HS3ST3A1: variants seen among roughly 807,000 people sequenced by gnomAD.
The protein encoded by HS3ST3A1 is heparan sulfate glucosamine 3-O-sulfotransferase 3A1.
In HS3ST3A1, 19 loss-of-function variants were observed where a neutral mutation model predicts 25.7. That is an observed-to-expected ratio of 0.74 (90% CI 0.52 to 1.08). HS3ST3A1 has a LOEUF of 1.08. Among genes scored for constraint, HS3ST3A1 ranks in the 50% least tolerant of loss-of-function variants. The pLI is 0.00. For synonymous variants in HS3ST3A1, 226 were observed against 278.6 expected (o/e 0.81, Z 1.88); for missense variants, 459 against 594.3 (o/e 0.77, Z 2.37).
chr17:13,499,702 A>G (rs1360849545), intron 1 of HS3ST3A1, among the ~76,000 whole-genome samples: 1 of 152,176 alleles, frequency 6.6e-6, no homozygotes, highest in Non-Finnish European at 1.5e-5. Context: ...TAAAACCACT[A>G]AAACAAGGAA....
chr17:13,581,527 A>G (rs1421548378), intron 1 of HS3ST3A1, among the ~76,000 whole-genome samples: 1 of 152,146 alleles, frequency 6.6e-6, no homozygotes, highest in African/African-American at 2.4e-5. Flanking sequence ...AAGCTAATAA[A>G]ATAATATTTC....
At chr17:13,593,168 G>A (rs1226246515) in intron 1 of HS3ST3A1, among the ~76,000 whole-genome samples, 7 of 143,034 alleles carry the variant, frequency 4.9e-5, no homozygotes, top group African/African-American at 7.8e-5. Context: ...CACAGCTCTG[G>A]CCCTATCTAT....
chr17:13,563,549 G>T (rs1428844560), intron 1 of HS3ST3A1, among the ~76,000 whole-genome samples: 2 of 152,210 alleles, frequency 1.3e-5, no homozygotes, highest in African/African-American at 4.8e-5. Flanking sequence ...GTTGACCCCA[G>T]TGTGGGGGGC....
intron 1 of HS3ST3A1, among the ~76,000 whole-genome samples, chr17:13,526,330 G>A (rs745555773): frequency 2.0e-5 from 3 of 151,340 alleles, no homozygotes; most frequent in Non-Finnish European, 4.4e-5. Flanking sequence ...GTAGGTAGAC[G>A]GTGATTGTTC....
intron 1 of HS3ST3A1, among the ~76,000 whole-genome samples, chr17:13,595,565 T>C (rs1286855495): frequency 1.3e-5 from 2 of 152,290 alleles, no homozygotes; most frequent in South Asian, 2.1e-4. Context: ...GATTACATAT[T>C]AGAGGCACAT....
chr17:13,517,424 A>C lies in HS3ST3A1; in HGVS notation c.600-20606T>G, dbSNP rs541605675. On this transcript the variant is annotated intron_variant, in intron 1 of 1. Coordinates refer to ENST00000284110, the MANE Select transcript of HS3ST3A1 (RefSeq NM_006042.3). ...ACAAATGTATTTCAATGGGAAAATT[A>C]CTATAAGGGAATGTTTATGTTCACA... 9.8e-5 allele frequency among the ~76,000 whole-genome samples: 15 copies of C among 152,330 alleles called. No individual in the cohort carries two copies. The East Asian group carries it at 1.9e-3, about 20-fold the overall frequency.
intron 1 of HS3ST3A1, among the ~76,000 whole-genome samples, chr17:13,516,582 G>C (rs566698713): frequency 1.3e-5 from 2 of 152,308 alleles, no homozygotes; most frequent in South Asian, 4.1e-4. Flanking sequence ...TAACAGGCAA[G>C]TTGTACACGC....
chr17:13,593,826 C>T (rs559072874), intron 1 of HS3ST3A1, among the ~76,000 whole-genome samples: 1 of 152,282 alleles, frequency 6.6e-6, no homozygotes, highest in African/African-American at 2.4e-5. Context: ...AACAGTACAA[C>T]GATCAAAACC....
At chr17:13,562,111 C>T (rs536459205) in intron 1 of HS3ST3A1, among the ~76,000 whole-genome samples, 1 of 152,112 alleles carries the variant, frequency 6.6e-6, no homozygotes, top group African/African-American at 2.4e-5. Context: ...GAATAAATAA[C>T]GGATATACCT....
intron 1 of HS3ST3A1, among the ~76,000 whole-genome samples, chr17:13,518,534 A>G (rs1031555987): frequency 6.6e-6 from 1 of 152,100 alleles, no homozygotes; most frequent in African/African-American, 2.4e-5. Context: ...TATCCCTGCC[A>G]TTTGCCATGG....
intron 1 of HS3ST3A1, among the ~76,000 whole-genome samples, chr17:13,507,064 G>A (rs1185568082): frequency 8.1e-5 from 11 of 136,620 alleles, no homozygotes; most frequent in African/African-American, 1.2e-4. Context: ...GCTAGACTCC[G>A]TCTCCAAAAA....
In HS3ST3A1 at chr17:13,494,226, T is replaced by A. The variant is rs1905211366; in HGVS notation, c.*1971A>T. On this transcript the variant is annotated 3_prime_UTR_variant, in exon 2 of 2. Transcript: ENST00000284110. Reference sequence around the variant, plus strand: ...AAAATGAGTATCTTGTTGCAGCTAGTGATTCAAGTAGAATAAAAACAGTCT... The same window carrying A: ...AAAATGAGTATCTTGTTGCAGCTAGAGATTCAAGTAGAATAAAAACAGTCT... Among the ~76,000 whole-genome samples, 1 of 152,186 alleles carries A rather than the reference T, an allele frequency of 6.6e-6. No homozygotes were observed. The highest frequency in any genetic ancestry group is 1.5e-5 in the Non-Finnish European group (1 of 68,030).
intron 1 of HS3ST3A1, among the ~76,000 whole-genome samples, chr17:13,500,478 G>T (rs183347327): frequency 2.2e-4 from 33 of 152,340 alleles, no homozygotes; most frequent in African/African-American, 7.7e-4. Context: ...GGCTATGGGA[G>T]CACGAAGGTG....
At chr17:13,578,080 G>A (rs1320290247) in intron 1 of HS3ST3A1, among the ~76,000 whole-genome samples, 3 of 152,112 alleles carry the variant, frequency 2.0e-5, no homozygotes, top group Non-Finnish European at 2.9e-5. Flanking sequence ...AGAAAATAAT[G>A]ATAGGTGAGC....
chr17:13,505,451 T>C (rs1905631426), intron 1 of HS3ST3A1, among the ~76,000 whole-genome samples: 1 of 152,170 alleles, frequency 6.6e-6, no homozygotes, highest in Non-Finnish European at 1.5e-5. Context: ...TGTGCAGGTT[T>C]GGAGCAGGAA....
intron 1 of HS3ST3A1, among the ~76,000 whole-genome samples, chr17:13,579,474 G>A (rs187671755): frequency 1.5e-4 from 23 of 152,074 alleles, no homozygotes; most frequent in African/African-American, 5.3e-4. Context: ...GCCGAGGTGG[G>A]CAGATCACTT....
At chr17:13,503,090 G>A (rs970026366) in intron 1 of HS3ST3A1, among the ~76,000 whole-genome samples, 2 of 148,872 alleles carry the variant, frequency 1.3e-5, no homozygotes, top group South Asian at 2.1e-4. Context: ...AGGCAGAATC[G>A]CTTGAACCTG....
chr17:13,591,391 T>C (rs1202698533), intron 1 of HS3ST3A1, among the ~76,000 whole-genome samples: 1 of 152,098 alleles, frequency 6.6e-6, no homozygotes, highest in East Asian at 1.9e-4. Context: ...ACATAGCAGT[T>C]TGGAGAGTGT....
chr17:13,496,050 G>A lies in HS3ST3A1; in HGVS notation c.*147C>T. 1 of 972,300 alleles carries A rather than the reference G, an allele frequency of 1.0e-6. No homozygotes were observed. The highest frequency in any genetic ancestry group is 2.8e-5 in the East Asian group (1 of 35,620). 60.2% of individuals were successfully genotyped at this position (972,300 alleles called of 1,614,324 possible). A position where few individuals can be genotyped will look rare whatever the true frequency, so the allele number is the denominator to read the frequency against. ...TTTGGTGTTGGTTATACATTAAGATGGGGCGGGAGTGAGAACAATCTCTTA... is the reference window on the plus strand; with the variant it reads ...TTTGGTGTTGGTTATACATTAAGATAGGGCGGGAGTGAGAACAATCTCTTA... On this transcript the variant is annotated 3_prime_UTR_variant, in exon 2 of 2. Transcript: ENST00000284110.
Sources: allele counts gnomAD v4.1 joint callset (sites outside exome capture counted in the v4.1 genomes callset), GRCh38; gene constraint gnomAD v4.1.1; transcripts MANE v1.5; gene names NCBI Gene and HGNC (gene_info 2026-07-23, HGNC 2026-07-21).